Variants in GRID2 observed in about 807,000 individuals in gnomAD.
GRID2 encodes the protein glutamate ionotropic receptor delta type subunit 2.
In GRID2, 33 loss-of-function variants were observed where a neutral mutation model predicts 114.8. That is an observed-to-expected ratio of 0.29 (90% confidence interval 0.22 to 0.38). GRID2 has a LOEUF of 0.38. Among genes scored for constraint, GRID2 ranks in the 10% least tolerant of loss-of-function variants. GRID2 has a pLI of 1.00. For synonymous variants in GRID2, 505 were observed against 449.9 expected, an observed-to-expected ratio of 1.12 and a Z score of -1.55; for missense variants, 1,184 against 1,257.7, an observed-to-expected ratio of 0.94 and a Z score of 0.89.
chr4:93,344,866 C>A (rs1760048501), intron 8 of GRID2, among the ~76,000 whole-genome samples: 2 of 151,672 alleles, frequency 1.3e-5, no homozygotes, highest in Admixed American at 6.6e-5. Flanking sequence ...TAAGTGAGAT[C>A]ATGTAGTATT....
intron 8 of GRID2, among the ~76,000 whole-genome samples, chr4:93,355,458 C>T (rs1269433005): frequency 6.6e-6 from 1 of 151,978 alleles, no homozygotes; most frequent in Non-Finnish European, 1.5e-5. Flanking sequence ...TTTCTCACAG[C>T]ACAGCTGAAG....
intron 2 of GRID2, among the ~76,000 whole-genome samples, chr4:92,996,680 A>G (rs1755218010): frequency 6.6e-6 from 1 of 152,214 alleles, no homozygotes; most frequent in South Asian, 2.1e-4. Flanking sequence ...GATTCCATCT[A>G]GTAAATTACC....
intron 8 of GRID2, among the ~76,000 whole-genome samples, chr4:93,291,274 A>G (rs1753734104): frequency 6.6e-6 from 1 of 152,188 alleles, no homozygotes; most frequent in African/African-American, 2.4e-5. Context: ...TCTTATGTCA[A>G]AAAGCATCAG....
chr4:92,838,986 A>G (rs1446549589), intron 2 of GRID2: 2 of 152,092 alleles, frequency 1.3e-5, no homozygotes, highest in African/African-American at 2.4e-5. Flanking sequence ...AAAACATTAC[A>G]GGGTCACTCT....
chr4:93,661,841 G>A (rs1232641003), intron 14 of GRID2, among the ~76,000 whole-genome samples: 5 of 152,138 alleles, frequency 3.3e-5, no homozygotes, highest in Non-Finnish European at 7.3e-5. Flanking sequence ...AACAAGAGTG[G>A]TTCTTATTAT....
intron 11 of GRID2, among the ~76,000 whole-genome samples, chr4:93,479,273 G>T (rs534576677): frequency 5.0e-4 from 76 of 152,146 alleles, no homozygotes; most frequent in African/African-American, 1.8e-3. Flanking sequence ...GAAAAATGGT[G>T]CTTTGCAACA....
intron 14 of GRID2, among the ~76,000 whole-genome samples, chr4:93,734,490 T>A (rs1434806275): frequency 1.3e-5 from 2 of 151,996 alleles, no homozygotes; most frequent in Non-Finnish European, 1.5e-5. Flanking sequence ...ATAACATACA[T>A]AAAATCACCA....
chr4:92,943,736 G>A (rs745559389), intron 2 of GRID2, among the ~76,000 whole-genome samples: 277 of 152,202 alleles, frequency 1.8e-3, no homozygotes, highest in Non-Finnish European at 3.6e-3. Context: ...TTTGATGATG[G>A]TGACGTACAG....
At position 93,144,747 on chromosome 4, in the gene GRID2, A is replaced by AGTAG. The variant is rs869118821; in HGVS notation, c.735+33794_735+33795insGTAG. ...AAAAATAAATGGCTTCTGTTGCTTAAACAACAATATTTCTTCATCAAAATA... is the reference window on the plus strand; with the variant it reads ...AAAAATAAATGGCTTCTGTTGCTTAAGTAGACAACAATATTTCTTCATCAAAATA... On this transcript the variant is annotated intron_variant, in intron 4 of 15. Coordinates refer to ENST00000282020, the MANE Select transcript of GRID2 (RefSeq NM_001510.4). Among the ~76,000 whole-genome samples the AGTAG allele has an allele frequency of 2.5e-5, 3 of 117,788 alleles. No homozygotes were observed. The Admixed American group carries it at 2.8e-4, about 11-fold the overall frequency. The allele number at this position is 117,788 out of a possible 152,430, so 77.3% of individuals were successfully genotyped here.
At chr4:92,666,995 G>C (rs1732823564) in intron 2 of GRID2, among the ~76,000 whole-genome samples, 1 of 151,234 alleles carries the variant, frequency 6.6e-6, no homozygotes, top group Admixed American at 6.6e-5. Context: ...TGTCCTTACT[G>C]CCCACCCTGC....
At position 93,772,104 on chromosome 4, in the gene GRID2, T is replaced by C; in HGVS notation, c.2630T>C (p.Leu877Pro). 1 of 1,611,534 alleles carries C rather than the reference T, an allele frequency of 6.2e-7. No homozygotes were observed. The highest frequency in any genetic ancestry group is 8.5e-7 in the Non-Finnish European group (1 of 1,177,856). Residue 877 changes from leucine to proline, a missense_variant, in exon 16 of 16, where the codon CTC (leucine) becomes CCC (proline). Coordinates refer to ENST00000282020, the MANE Select transcript of GRID2 (RefSeq NM_001510.4). ...GACAAGGAAATTGACCTGGAGCACCTCCATAGACGTGTAAATAGCTTGTGC... is the reference window on the plus strand; with the variant it reads ...GACAAGGAAATTGACCTGGAGCACCCCCATAGACGTGTAAATAGCTTGTGC... ...EDDKEIDLEH[L>P]HRRVNSLCTD... is the part of the protein sequence containing the mutation.
At position 93,546,352 on chromosome 4, in the gene GRID2, C is replaced by T. The variant is rs1263682979; in HGVS notation, c.2193+30941C>T. ...ATTATCAGAATACAGATGGTATTTA[C>T]AGCCATATTTGTGGATGAGATACCC... On this transcript the variant is annotated intron_variant, in intron 13 of 15. Transcript: ENST00000282020. Among the ~76,000 whole-genome samples the T allele has an allele frequency of 2.0e-5, 3 of 152,232 alleles. No homozygotes were observed. The East Asian group carries it at 5.8e-4, about 29-fold the overall frequency.
intron 2 of GRID2, among the ~76,000 whole-genome samples, chr4:92,882,196 C>A (rs1746072344): frequency 6.6e-6 from 1 of 152,048 alleles, no homozygotes; most frequent in African/African-American, 2.4e-5. Flanking sequence ...AATAGTCTGC[C>A]AGATTGATGG....
At chr4:93,341,603 C>T (rs10017067) in intron 8 of GRID2, among the ~76,000 whole-genome samples, 38,378 of 152,084 alleles carry the variant, frequency 0.25, 8,147 homozygotes, top group African/African-American at 0.58. Context: ...GGATTATAGG[C>T]GTGAGCCACT....
chr4:93,588,460 T>A (rs1326150534), intron 13 of GRID2, among the ~76,000 whole-genome samples: 2 of 152,192 alleles, frequency 1.3e-5, no homozygotes, highest in Non-Finnish European at 2.9e-5. Flanking sequence ...ATCACCAGTG[T>A]TTCTGTAAGA....
intron 2 of GRID2, among the ~76,000 whole-genome samples, chr4:92,936,989 G>C (rs1401188543): frequency 6.8e-6 from 1 of 146,110 alleles, no homozygotes; most frequent in Non-Finnish European, 1.5e-5. Flanking sequence ...CTTTTTTGGA[G>C]AAATGTCTCT....
chr4:92,987,535 T>C (rs770659630), intron 2 of GRID2, among the ~76,000 whole-genome samples: 3 of 151,972 alleles, frequency 2.0e-5, no homozygotes, highest in Non-Finnish European at 2.9e-5. Context: ...ATGGCACATG[T>C]ATATATATGT....
chr4:92,346,794 A>G (rs77721282), intron 1 of GRID2, among the ~76,000 whole-genome samples: 6 of 152,218 alleles, frequency 3.9e-5, no homozygotes, highest in African/African-American at 1.4e-4. Context: ...TAAAAATTTC[A>G]TATGCAATTA....
intron 1 of GRID2, among the ~76,000 whole-genome samples, chr4:92,334,372 G>A (rs1343904469): frequency 6.6e-6 from 1 of 152,024 alleles, no homozygotes; most frequent in African/African-American, 2.4e-5. Context: ...AATTCTTCCT[G>A]CCTCTATCCA....
Sources: allele counts gnomAD v4.1 joint callset (sites outside exome capture counted in the v4.1 genomes callset), GRCh38; gene constraint gnomAD v4.1.1; transcripts MANE v1.5; gene names NCBI Gene and HGNC (gene_info 2026-07-23, HGNC 2026-07-21).